PLCB1: variants seen among roughly 807,000 people sequenced by gnomAD.
PLCB1 encodes phospholipase C beta 1.
In PLCB1, 46 loss-of-function variants were observed where a neutral mutation model predicts 161.8. That is an observed-to-expected ratio of 0.28 (90% confidence interval 0.22 to 0.36). The LOEUF is 0.36. Ranked by LOEUF, PLCB1 falls within the 10% of genes least tolerant of loss-of-function variation. PLCB1 has a pLI of 1.00. For synonymous variants in PLCB1, 517 were observed against 503.7 expected, an observed-to-expected ratio of 1.03 and a Z score of -0.35; for missense variants, 1,016 against 1,472.5, an observed-to-expected ratio of 0.69 and a Z score of 5.07.
intron 4 of PLCB1, 134 bp downstream of exon 4, chr20:8,628,565 G>A (rs112165189): frequency 8.3e-6 from 7 of 839,990 alleles, no homozygotes; most frequent in South Asian, 3.5e-5. Flanking sequence ...TAATTCAGCT[G>A]CCAAGTATAA....
chr20:8,385,725 C>G (rs546914016), intron 3 of PLCB1, among the ~76,000 whole-genome samples: 3 of 152,232 alleles, frequency 2.0e-5, no homozygotes, highest in South Asian at 2.1e-4. Context: ...CTGGGTAGCA[C>G]GCTCACTCGC....
chr20:8,310,135 T>G (rs1248731163), intron 2 of PLCB1, among the ~76,000 whole-genome samples: 1 of 152,198 alleles, frequency 6.6e-6, no homozygotes, highest in Non-Finnish European at 1.5e-5. Context: ...GAGTTTACCT[T>G]CAGAGCTTTT....
intron 2 of PLCB1, among the ~76,000 whole-genome samples, chr20:8,273,852 G>A (rs1982399559): frequency 6.6e-6 from 1 of 152,154 alleles, no homozygotes; most frequent in Non-Finnish European, 1.5e-5. Flanking sequence ...TATGGATTCT[G>A]ATGTTCCCTC....
chr20:8,625,656 T>C (rs1988316356), intron 3 of PLCB1, among the ~76,000 whole-genome samples: 1 of 152,244 alleles, frequency 6.6e-6, no homozygotes, highest in Admixed American at 6.5e-5. Context: ...TATTGTGGTT[T>C]CTTCTGAGTA....
At chr20:8,465,729 A>T (rs1428098781) in intron 3 of PLCB1, among the ~76,000 whole-genome samples, 1 of 151,984 alleles carries the variant, frequency 6.6e-6, no homozygotes, top group Non-Finnish European at 1.5e-5. Flanking sequence ...AAAAATGCTC[A>T]CCATCACTGG....
intron 21 of PLCB1, among the ~76,000 whole-genome samples, 192 bp downstream of exon 21, chr20:8,739,552 A>G (rs1456207245): frequency 6.6e-6 from 1 of 152,256 alleles, no homozygotes; most frequent in African/African-American, 2.4e-5. Flanking sequence ...TCTTTCAACA[A>G]TAATTATGTG....
chr20:8,795,479 A>G (rs1363152679), intron 31 of PLCB1, among the ~76,000 whole-genome samples: 1 of 152,188 alleles, frequency 6.6e-6, no homozygotes, highest in Non-Finnish European at 1.5e-5. Context: ...CTGGAGAAAC[A>G]TTCGACTGCA....
chr20:8,735,097 C>A (rs960615813), intron 19 of PLCB1, among the ~76,000 whole-genome samples: 1 of 152,112 alleles, frequency 6.6e-6, no homozygotes, highest in Non-Finnish European at 1.5e-5. Context: ...TGTTTAATTC[C>A]TGTCAGGTGT....
At position 8,745,511 on chromosome 20, in the gene PLCB1, C is replaced by A. The variant is rs540270191; in HGVS notation, c.2523+3938C>A. ...TATCTTTTTAGAGTAATTTATAAAC[C>A]AAATAGATAAGAAAGTGGAATTTCC... On this transcript the variant is annotated intron_variant, in intron 23 of 31. Coordinates refer to ENST00000338037, the MANE Select transcript of PLCB1 (RefSeq NM_015192.4). Among the ~76,000 whole-genome samples the A allele has an allele frequency of 2.6e-5, 4 of 151,720 alleles. No individual in the cohort carries two copies. The East Asian group carries it at 7.8e-4, about 29-fold the overall frequency.
At chr20:8,635,661 A>G (rs113395038) in intron 4 of PLCB1, among the ~76,000 whole-genome samples, 10 of 152,196 alleles carry the variant, frequency 6.6e-5, no homozygotes, top group African/African-American at 2.2e-4. Context: ...AATAGCTTCT[A>G]TTTACCAAAT....
At chr20:8,352,612 T>C (rs1187969761) in intron 2 of PLCB1, among the ~76,000 whole-genome samples, 2 of 152,072 alleles carry the variant, frequency 1.3e-5, no homozygotes, top group East Asian at 1.9e-4. Context: ...ATATTATAAA[T>C]ATAGACAACA....
chr20:8,797,135 A>C (rs1984065910), intron 31 of PLCB1, among the ~76,000 whole-genome samples: 2 of 152,182 alleles, frequency 1.3e-5, no homozygotes, highest in South Asian at 4.1e-4. Context: ...AGCACACTGA[A>C]GATAAACTTC....
intron 2 of PLCB1, among the ~76,000 whole-genome samples, chr20:8,356,199 T>A (rs1300317438): frequency 6.6e-6 from 1 of 152,068 alleles, no homozygotes; most frequent in African/African-American, 2.4e-5. Flanking sequence ...TAAACTTGAG[T>A]GTTTATAAGT....
At chr20:8,749,386 G>C (rs916009664) in intron 23 of PLCB1, among the ~76,000 whole-genome samples, 1 of 152,158 alleles carries the variant, frequency 6.6e-6, no homozygotes, top group Admixed American at 6.5e-5. Flanking sequence ...CAGAAACCTG[G>C]GAAGGGCTCC....
At chr20:8,272,992 C>T (rs1455654290) in intron 2 of PLCB1, among the ~76,000 whole-genome samples, 1 of 152,158 alleles carries the variant, frequency 6.6e-6, no homozygotes, top group East Asian at 1.9e-4. Context: ...TGGATGTACT[C>T]ATTCCTGACA....
At position 8,132,409 on chromosome 20, in the gene PLCB1, C is replaced by A; in HGVS notation, c.-243C>A. ...TCGCCTTCCGAGGCTCCTCATCCAC[C>A]GCGGGCTCCAGACCTCGCGTCCCGC... On this transcript the variant is annotated 5_prime_UTR_variant, in exon 1 of 32. Transcript: ENST00000338037. The surrounding 1 kb of genome is among the most constrained non-coding windows in gnomAD (Gnocchi z 5.2). 3.4e-6 allele frequency: 1 copy of A among 292,986 alleles called. No individual in the cohort carries two copies. Among genetic ancestry groups the A allele is most frequent in the Non-Finnish European group, 6.3e-6 (1 of 159,158 alleles). The allele number at this position is 292,986 out of a possible 1,614,324, so 18.1% of individuals were successfully genotyped here.
chr20:8,444,628 T>A (rs540149417), intron 3 of PLCB1, among the ~76,000 whole-genome samples: 19 of 152,298 alleles, frequency 1.2e-4, no homozygotes, highest in Non-Finnish European at 1.5e-4. Context: ...AGCCACACTG[T>A]CTTCCACAAT....
chr20:8,514,575 G>A (rs1029022611), intron 3 of PLCB1, among the ~76,000 whole-genome samples: 3 of 151,934 alleles, frequency 2.0e-5, no homozygotes, highest in Admixed American at 6.6e-5. Context: ...CTACTCAGAG[G>A]CTGAGAAGAA....
chr20:8,804,762 G>A (rs2146243632), intron 31 of PLCB1, among the ~76,000 whole-genome samples: 1 of 152,188 alleles, frequency 6.6e-6, no homozygotes, highest in East Asian at 1.9e-4. Context: ...GGCCGAGGTG[G>A]ATGGATCACC....
Sources: allele counts gnomAD v4.1 joint callset (sites outside exome capture counted in the v4.1 genomes callset), GRCh38; gene constraint gnomAD v4.1.1; non-coding constraint Gnocchi (gnomAD v3.1); transcripts MANE v1.5; gene names NCBI Gene and HGNC (gene_info 2026-07-23, HGNC 2026-07-21).